The following ENTREP2 variants were observed in gnomAD, a reference collection of about 807,000 sequenced individuals.
ENTREP2 encodes the protein endosomal transmembrane epsin interactor 2.
the ENTREP2 span, among the ~76,000 whole-genome samples, chr15:29,574,284 G>T: frequency 1.8e-4 from 27 of 148,984 alleles, no homozygotes; most frequent in African/African-American, 6.5e-4. Context: ...TGTTCTTTTG[G>T]GTTTTGTTTC....
At chr15:29,652,650 G>A in the ENTREP2 span, among the ~76,000 whole-genome samples, 11 of 152,328 alleles carry the variant, frequency 7.2e-5, no homozygotes, top group Non-Finnish European at 1.3e-4. Context: ...ATTCCCCCCA[G>A]GGCCAGCCAA....
At chr15:29,215,936 G>A in the ENTREP2 span, among the ~76,000 whole-genome samples, 1 of 152,086 alleles carries the variant, frequency 6.6e-6, no homozygotes, top group Non-Finnish European at 1.5e-5. Flanking sequence ...GGAGCATTTA[G>A]GCTATTTACA....
chr15:29,449,848 T>A, the ENTREP2 span, among the ~76,000 whole-genome samples: 11 of 152,324 alleles, frequency 7.2e-5, no homozygotes, highest in Non-Finnish European at 1.5e-4. Context: ...TGGGAAATCC[T>A]AATATTTACT....
At chr15:29,439,284 TACACACACACACACACACAC>T in the ENTREP2 span, among the ~76,000 whole-genome samples, 11 of 97,088 alleles carry the variant, frequency 1.1e-4, no homozygotes, top group South Asian at 6.5e-4. Flanking sequence ...AAATTGGAAT[TACACACACACACACACACAC>T]ACACACACAC....
At chr15:29,158,847 T>C in the ENTREP2 span, among the ~76,000 whole-genome samples, 66 of 152,104 alleles carry the variant, frequency 4.3e-4, no homozygotes, top group East Asian at 0.012. Flanking sequence ...AAATGATGTA[T>C]AGAACAAAAA....
At chr15:29,591,267 G>A in the ENTREP2 span, among the ~76,000 whole-genome samples, 3 of 152,156 alleles carry the variant, frequency 2.0e-5, no homozygotes, top group Admixed American at 2.0e-4. Flanking sequence ...AATTTTAGAA[G>A]ATTATTGTTA....
chr15:29,128,679 G>C, the ENTREP2 span: 1 of 837,806 alleles, frequency 1.2e-6, no homozygotes, highest in Non-Finnish European at 2.0e-6. Flanking sequence ...GAAATGGAGG[G>C]AGGAGGAGGA....
At chr15:29,284,033 T>C in the ENTREP2 span, among the ~76,000 whole-genome samples, 2 of 151,980 alleles carry the variant, frequency 1.3e-5, no homozygotes, top group African/African-American at 4.8e-5. Flanking sequence ...ATATGGAGGG[T>C]GGATGCAGGA....
At chr15:29,517,320 C>G in the ENTREP2 span, among the ~76,000 whole-genome samples, 1 of 152,264 alleles carries the variant, frequency 6.6e-6, no homozygotes, top group Middle Eastern at 3.4e-3. Flanking sequence ...CTACAAGATA[C>G]TGCTATTACT....
At chr15:29,126,673 C>G in the ENTREP2 span, among the ~76,000 whole-genome samples, 1 of 152,222 alleles carries the variant, frequency 6.6e-6, no homozygotes, top group Non-Finnish European at 1.5e-5. Flanking sequence ...GATGAGCTCC[C>G]AGAAATCATT....
chr15:29,610,208 C>T, the ENTREP2 span: 3 of 150,612 alleles, frequency 2.0e-5, no homozygotes, highest in Non-Finnish European at 4.4e-5. Context: ...CTTCGTAAAA[C>T]GTACCATCCA....
At chr15:29,512,488 G>T in the ENTREP2 span, among the ~76,000 whole-genome samples, 1 of 152,320 alleles carries the variant, frequency 6.6e-6, no homozygotes, top group East Asian at 1.9e-4. Context: ...AAATTCGTAT[G>T]TTGAGGCACT....
the ENTREP2 span, chr15:29,136,564 C>A: frequency 1.3e-6 from 2 of 1,516,344 alleles, no homozygotes; most frequent in African/African-American, 2.8e-5. Context: ...GCTGACAGCT[C>A]TCAAAGCCGC....
At chr15:29,477,880 G>A in the ENTREP2 span, among the ~76,000 whole-genome samples, 4 of 151,370 alleles carry the variant, frequency 2.6e-5, no homozygotes, top group African/African-American at 9.7e-5. Context: ...TGCAAATCAC[G>A]TTCTGCTTCC....
chr15:29,271,432 C>T, the ENTREP2 span, among the ~76,000 whole-genome samples: 1 of 152,180 alleles, frequency 6.6e-6, no homozygotes, highest in Admixed American at 6.5e-5. Flanking sequence ...TACTCAGTAC[C>T]TGTTTTAAGA....
the ENTREP2 span, among the ~76,000 whole-genome samples, chr15:29,510,588 G>A: frequency 6.6e-6 from 1 of 151,804 alleles, no homozygotes; most frequent in Admixed American, 6.6e-5. Flanking sequence ...GGCGGATCAC[G>A]AGGTCAGGAG....
the ENTREP2 span, among the ~76,000 whole-genome samples, chr15:29,632,398 A>AT: frequency 6.6e-6 from 1 of 152,198 alleles, no homozygotes; most frequent in South Asian, 2.1e-4. Context: ...AAACTCCTGG[A>AT]TTTTTTTCCT....
At chr15:29,551,879 A>C in the ENTREP2 span, among the ~76,000 whole-genome samples, 2 of 152,186 alleles carry the variant, frequency 1.3e-5, no homozygotes, top group African/African-American at 4.8e-5. Context: ...GAATAACAGA[A>C]GGGAAAGAGC....
chr15:29,453,414 C>T, the ENTREP2 span, among the ~76,000 whole-genome samples: 1 of 152,182 alleles, frequency 6.6e-6, no homozygotes. Context: ...TAGCTTTTGG[C>T]CCTGATATTA....
Sources: allele counts gnomAD v4.1 joint callset (sites outside exome capture counted in the v4.1 genomes callset), GRCh38; gene constraint gnomAD v4.1.1; transcripts MANE v1.5; gene names NCBI Gene and HGNC (gene_info 2026-07-23, HGNC 2026-07-21).